Variants in STON1 observed in about 807,000 individuals in gnomAD.
STON1 encodes the protein stonin 1, also known as stonin-1.
In STON1, 79 loss-of-function variants were observed where a neutral mutation model predicts 60.9. That is an observed-to-expected ratio of 1.30 (90% CI 1.08 to 1.56). The LOEUF is 1.56. STON1 is among the 40% of genes most tolerant of loss of function. STON1 has a pLI of 0.00. For missense variants in STON1, 1,166 were observed against 858.9 expected (o/e 1.36, Z -4.47); for synonymous variants, 363 against 306.9 (o/e 1.18, Z -1.91).
chr2:48,596,479 A>C lies in STON1; in HGVS notation c.*1177A>C, dbSNP rs997443609. ...GAGAATTTTAAAATTTATGAAATCT[A>C]TATTCCAGGTATTGTTTTTAGTCTG... On this transcript the variant is annotated 3_prime_UTR_variant, in exon 4 of 4. Coordinates refer to ENST00000404752, the MANE Select transcript of STON1 (RefSeq NM_006873.4). 6.6e-6 allele frequency: 1 copy of C among 152,210 alleles called. No individual in the cohort carries two copies. Among genetic ancestry groups the C allele is most frequent in the Non-Finnish European group, 1.5e-5 (1 of 68,036 alleles). The allele number at this position is 152,210 out of a possible 1,614,324, so 9.4% of individuals were successfully genotyped here. A position where few individuals can be genotyped will look rare whatever the true frequency, so the allele number is the denominator to read the frequency against.
intron 1 of STON1, among the ~76,000 whole-genome samples, chr2:48,564,972 A>T (rs1174876345): frequency 2.1e-5 from 3 of 139,906 alleles, no homozygotes; most frequent in Non-Finnish European, 4.6e-5. Flanking sequence ...ATATCAGGTG[A>T]TCCACCTGCC....
rs1463073357 is a variant in STON1, at chr2:48,582,364, G to A, written c.1731G>A (p.Gln577=). ...GGATACACTTTCCTGTCCCATCGCA[G>A]TGGATCAAGGCCCTTTGGACCATGA... The part of the protein sequence containing the change: ...NIRIHFPVPS[Q]WIKALWTMNL... Residue 577 remains glutamine (Q), a synonymous_variant, in exon 2 of 4, where the codon CAG becomes CAA. Transcript: ENST00000404752. 6.2e-7 allele frequency: 1 copy of A among 1,614,198 alleles called. No homozygotes were observed. The highest frequency in any genetic ancestry group is 8.5e-7 in the Non-Finnish European group (1 of 1,180,044).
intron 1 of STON1, among the ~76,000 whole-genome samples, chr2:48,544,712 G>A (rs557404621): frequency 8.6e-5 from 13 of 151,652 alleles, no homozygotes; most frequent in Admixed American, 3.3e-4. Flanking sequence ...TGCCTGGCTA[G>A]TTTTTGTATT....
In STON1 at chr2:48,581,983, G is replaced by A; in HGVS notation, c.1350G>A (p.Gly450=). ...TQIYCLCFVN[G]NLECFLTLND... ...TTTATTGCCTCTGCTTTGTGAATGG[G>A]AACCTGGAATGCTTTTTAACCTTGA... The change falls in exon 2 of 4, where the codon GGG becomes GGA. Residue 450 remains glycine, a synonymous_variant. Coordinates refer to ENST00000404752, the MANE Select transcript of STON1 (RefSeq NM_006873.4). The A allele has an allele frequency of 6.2e-7, 1 of 1,614,198 alleles. No homozygotes were observed.
At chr2:48,594,194 T>G (rs1012144770) in intron 3 of STON1, among the ~76,000 whole-genome samples, 1 of 152,172 alleles carries the variant, frequency 6.6e-6, no homozygotes, top group Admixed American at 6.5e-5. Context: ...CAGATCTCCA[T>G]CTCAGAGTTT....
intron 1 of STON1, among the ~76,000 whole-genome samples, chr2:48,567,233 A>G (rs546334071): frequency 6.6e-6 from 1 of 152,324 alleles, no homozygotes; most frequent in African/African-American, 2.4e-5. Context: ...TGAGCTGCAG[A>G]ACATATGTGC....
At chr2:48,575,784 G>C in intron 1 of STON1, among the ~76,000 whole-genome samples, 1 of 114,372 alleles carries the variant, frequency 8.7e-6, no homozygotes, top group Non-Finnish European at 1.8e-5. Context: ...TTGAGATGCA[G>C]TTTTGCTCTT....
intron 1 of STON1, among the ~76,000 whole-genome samples, chr2:48,532,440 A>G (rs1671253040): frequency 7.2e-5 from 1 of 13,976 alleles, no homozygotes; most frequent in Admixed American, 3.5e-4. Flanking sequence ...GTAAGTCCAA[A>G]AAAAAAAAAA....
intron 1 of STON1, among the ~76,000 whole-genome samples, chr2:48,552,799 A>G (rs1459962784): frequency 1.3e-5 from 2 of 152,120 alleles, no homozygotes; most frequent in East Asian, 3.9e-4. Flanking sequence ...TAACTAAATA[A>G]AAGTGTACAC....
chr2:48,542,472 T>TGGA (rs1671692857), intron 1 of STON1, among the ~76,000 whole-genome samples: 4 of 152,180 alleles, frequency 2.6e-5, no homozygotes, highest in African/African-American at 9.7e-5. Context: ...CCTCAAAAGG[T>TGGA]TGTTCTGAAG....
intron 1 of STON1, among the ~76,000 whole-genome samples, chr2:48,567,781 C>G (rs1369565858): frequency 1.3e-5 from 2 of 152,156 alleles, no homozygotes; most frequent in African/African-American, 4.8e-5. Context: ...ACTGGCCTGT[C>G]CCTGACTTTG....
intron 1 of STON1, among the ~76,000 whole-genome samples, chr2:48,547,271 G>C (rs572294050): frequency 1.3e-5 from 2 of 152,264 alleles, no homozygotes; most frequent in African/African-American, 4.8e-5. Flanking sequence ...ATCATTATTA[G>C]GCTTAAAGTC....
intron 1 of STON1, among the ~76,000 whole-genome samples, chr2:48,551,021 A>T (rs554198745): frequency 1.3e-5 from 2 of 151,370 alleles, no homozygotes; most frequent in African/African-American, 4.8e-5. Context: ...TTCTGTATTT[A>T]TTATTATTAT....
chr2:48,557,423 C>T (rs1381708995), intron 1 of STON1, among the ~76,000 whole-genome samples: 16 of 93,198 alleles, frequency 1.7e-4, no homozygotes, highest in African/African-American at 4.5e-4. Flanking sequence ...TGATGGCGGC[C>T]GGGCAGAGAC....
chr2:48,591,287 A>G (rs1455873090), intron 2 of STON1, among the ~76,000 whole-genome samples: 2 of 150,008 alleles, frequency 1.3e-5, no homozygotes, highest in African/African-American at 4.9e-5. Flanking sequence ...TACTAATATA[A>G]TTTGCTAAAT....
chr2:48,547,744 T>A (rs1174402345), intron 1 of STON1, among the ~76,000 whole-genome samples: 2 of 152,166 alleles, frequency 1.3e-5, no homozygotes, highest in Non-Finnish European at 2.9e-5. Context: ...TCCCGGAGCA[T>A]AGATAGAAGC....
At chr2:48,551,855 C>G (rs752665910) in intron 1 of STON1, among the ~76,000 whole-genome samples, 25 of 152,336 alleles carry the variant, frequency 1.6e-4, no homozygotes, top group Non-Finnish European at 2.8e-4. Context: ...GAGTTGCTCC[C>G]AGCCTAGAGA....
At chr2:48,545,973 C>T (rs1421339952) in intron 1 of STON1, among the ~76,000 whole-genome samples, 1 of 152,212 alleles carries the variant, frequency 6.6e-6, no homozygotes, top group African/African-American at 2.4e-5. Flanking sequence ...TTTCCCCATG[C>T]TGTGGGATAT....
In STON1 at chr2:48,580,848, G is replaced by A; in HGVS notation, c.215G>A (p.Ser72Asn). ...LSSPIVDFYF[S>N]PGPPSNSPLS... ...TCCCCCATTGTAGATTTTTATTTCA[G>A]TCCAGGACCTCCAAGTAACTCTCCT... The change falls in exon 2 of 4, where the codon AGT becomes AAT. Residue 72 changes from serine (S) to asparagine (N), a missense_variant. Transcript: ENST00000404752. 1 of 1,558,092 alleles carries A rather than the reference G, an allele frequency of 6.4e-7. No homozygotes were observed. Among genetic ancestry groups the A allele is most frequent in the South Asian group, 1.3e-5 (1 of 79,152 alleles).
Sources: gnomAD v4.1 joint callset for allele counts (sites outside exome capture counted in the v4.1 genomes callset) on GRCh38, gnomAD v4.1.1 for gene constraint, MANE v1.5 for transcripts, NCBI Gene and HGNC (gene_info 2026-07-23, HGNC 2026-07-21) for gene names.